The following LTBP2 variants were observed in gnomAD, a reference collection of about 807,000 sequenced individuals.
LTBP2 encodes the protein latent-transforming growth factor beta-binding protein 2.
In LTBP2, 103 loss-of-function variants were observed where a neutral mutation model predicts 210.6. The observed-to-expected ratio is 0.49, with a 90% CI of 0.42 to 0.58. The LOEUF (loss-of-function observed/expected upper bound fraction) is 0.58. LTBP2 is among the 20% of genes least tolerant of loss of function. The pLI, the probability that LTBP2 is intolerant of heterozygous loss-of-function variation, is 0.00. For synonymous variants in LTBP2, 1,007 were observed against 1,015.0 expected (o/e 0.99, Z 0.15); for missense variants, 2,313 against 2,494.5 (o/e 0.93, Z 1.55).
rs1412592866 is a variant in LTBP2 at position 74,552,211 on chromosome 14, T to C, written c.1375A>G (p.Thr459Ala). 1 of 1,599,618 alleles carries C rather than the reference T, an allele frequency of 6.3e-7. No individual in the cohort carries two copies. The highest frequency in any genetic ancestry group is 2.3e-5 in the East Asian group (1 of 43,898). Reference protein sequence around the residue: ...LEAPLKQSTFTLPLSNQLASV... With the variant: ...LEAPLKQSTFALPLSNQLASV... ...CCCAGCTGGTTGGAGAGCGGCAGTG[T>C]GAAAGTGGACTGCTTCAGTGGGGCT... The change falls in exon 6 of 36, where the codon ACA becomes GCA. Residue 459 changes from threonine to alanine, a missense_variant. Coordinates refer to ENST00000261978, the MANE Select transcript of LTBP2 (RefSeq NM_000428.3).
chr14:74,513,322 A>G (rs1295097147), intron 18 of LTBP2, among the ~76,000 whole-genome samples: 2 of 152,246 alleles, frequency 1.3e-5, no homozygotes, highest in South Asian at 2.1e-4. Flanking sequence ...AGTGAGGGCC[A>G]ACGAACTGTG....
chr14:74,541,435 C>T (rs1015595655), intron 8 of LTBP2, among the ~76,000 whole-genome samples: 2 of 152,026 alleles, frequency 1.3e-5, no homozygotes, highest in African/African-American at 2.4e-5. Flanking sequence ...CATAAGAGCC[C>T]TTGGAGAGTC....
chr14:74,575,119 G>A (rs2088040478), intron 3 of LTBP2, among the ~76,000 whole-genome samples: 1 of 152,220 alleles, frequency 6.6e-6, no homozygotes, highest in African/African-American at 2.4e-5. Context: ...CTAGGCTCCG[G>A]ATCAAAGCAT....
At chr14:74,527,496 G>A in intron 12 of LTBP2, 130 bp from the exon 13 acceptor site, 1 of 995,292 alleles carries the variant, frequency 1.0e-6, no homozygotes, top group African/African-American at 1.6e-5. Flanking sequence ...AGCACAGAAA[G>A]CGTGGACTCT....
chr14:74,500,414 A>C lies in LTBP2; in HGVS notation c.*470T>G. 5 of 356,638 alleles carry C rather than the reference A, an allele frequency of 1.4e-5. 1 individual carries two copies. In the South Asian group the frequency reaches 1.9e-4, roughly 13 times the overall value. 22.1% of individuals were successfully genotyped at this position (356,638 alleles called of 1,614,324 possible). A position where few individuals can be genotyped will look rare whatever the true frequency, so the allele number is the denominator to read the frequency against. On this transcript the variant is annotated 3_prime_UTR_variant, in exon 36 of 36. Coordinates refer to ENST00000261978, the MANE Select transcript of LTBP2 (RefSeq NM_000428.3). ...GGAGGGGGCTCTGGAGTCAGTCCCC[A>C]AGCTTCCCCAAATCCTTTCTTGCTC...
intron 3 of LTBP2, among the ~76,000 whole-genome samples, chr14:74,584,222 C>T (rs1341959921): frequency 1.3e-5 from 2 of 152,074 alleles, no homozygotes; most frequent in South Asian, 2.1e-4. Context: ...ATGTGATTCA[C>T]CTTGAAGAAT....
chr14:74,565,694 T>C (rs932890976), intron 3 of LTBP2, among the ~76,000 whole-genome samples: 5 of 152,030 alleles, frequency 3.3e-5, no homozygotes, highest in African/African-American at 7.2e-5. Flanking sequence ...GTAGACACAG[T>C]TGGGGCTGGG....
rs143616933 is a variant in LTBP2 at position 74,541,467 on chromosome 14, T to C, written c.1790-5467A>G. 2.0e-3 allele frequency among the ~76,000 whole-genome samples: 302 copies of C among 152,324 alleles called. 1 individual carries two copies. The highest frequency in any genetic ancestry group is 6.6e-3 in the African/African-American group (275 of 41,572). ...AGTCTTACTAATATTATTCCCATTT[T>C]ATGGATGAGCAAATTGAGGTTCATC... On this transcript the variant is annotated intron_variant, in intron 8 of 35. Transcript: ENST00000261978.
intron 2 of LTBP2, among the ~76,000 whole-genome samples, chr14:74,588,575 C>T (rs2088240441): frequency 6.6e-6 from 1 of 152,128 alleles, no homozygotes; most frequent in Non-Finnish European, 1.5e-5. Flanking sequence ...ATATAGTCAG[C>T]CCCTTGAAGT....
At chr14:74,568,112 T>G (rs2087927669) in intron 3 of LTBP2, among the ~76,000 whole-genome samples, 1 of 152,154 alleles carries the variant, frequency 6.6e-6, no homozygotes, top group African/African-American at 2.4e-5. Context: ...GGCAGCCAGT[T>G]TACAGAAGTT....
At chr14:74,562,291 G>T (rs2139760218) in intron 3 of LTBP2, among the ~76,000 whole-genome samples, 1 of 152,244 alleles carries the variant, frequency 6.6e-6, no homozygotes, top group East Asian at 1.9e-4. Context: ...CATGTTTGAA[G>T]AAGAATAAGC....
intron 3 of LTBP2, among the ~76,000 whole-genome samples, chr14:74,581,799 A>T (rs2088139829): frequency 6.6e-6 from 1 of 152,108 alleles, no homozygotes; most frequent in Non-Finnish European, 1.5e-5. Context: ...ATCGTGTGTC[A>T]TGGCAGCCAT....
intron 17 of LTBP2, among the ~76,000 whole-genome samples, chr14:74,517,414 C>T (rs1248562902): frequency 5.3e-5 from 8 of 151,764 alleles, no homozygotes; most frequent in Non-Finnish European, 8.8e-5. Flanking sequence ...AGTGCGATGG[C>T]GCCATCTTGA....
chr14:74,582,405 C>T (rs895740539), intron 3 of LTBP2, among the ~76,000 whole-genome samples: 8 of 137,972 alleles, frequency 5.8e-5, no homozygotes, highest in Non-Finnish European at 9.8e-5. Flanking sequence ...CATACACACA[C>T]ACACACACAC....
At chr14:74,549,491 G>C (rs1268349667) in intron 8 of LTBP2, among the ~76,000 whole-genome samples, 1 of 152,230 alleles carries the variant, frequency 6.6e-6, no homozygotes, top group East Asian at 1.9e-4. Flanking sequence ...AGGCCTGGGG[G>C]CCCCATCAGG....
At chr14:74,608,898 C>T (rs945183145) in intron 1 of LTBP2, among the ~76,000 whole-genome samples, 2 of 152,254 alleles carry the variant, frequency 1.3e-5, no homozygotes, top group Non-Finnish European at 1.5e-5. Context: ...TGCAATAAAT[C>T]TTTTCTACAT....
chr14:74,594,883 C>A (rs896753419), intron 2 of LTBP2, among the ~76,000 whole-genome samples: 4 of 152,180 alleles, frequency 2.6e-5, no homozygotes, highest in Non-Finnish European at 5.9e-5. Context: ...GTCTCCCAGG[C>A]CCTGACTGAG....
chr14:74,561,291 C>A (rs991426214), intron 3 of LTBP2, among the ~76,000 whole-genome samples: 1 of 152,018 alleles, frequency 6.6e-6, no homozygotes, highest in Admixed American at 6.6e-5. Context: ...GCATTCCAGC[C>A]TGGGTGACAG....
At chr14:74,504,247 G>C (rs967992368) in intron 30 of LTBP2, among the ~76,000 whole-genome samples, 193 bp from the exon 31 acceptor site, 1 of 152,234 alleles carries the variant, frequency 6.6e-6, no homozygotes, top group Non-Finnish European at 1.5e-5. Context: ...ATGAAAAGGT[G>C]TTAATATGTG....
Sources: allele counts gnomAD v4.1 joint callset (sites outside exome capture counted in the v4.1 genomes callset), GRCh38; gene constraint gnomAD v4.1.1; transcripts MANE v1.5; gene names NCBI Gene and HGNC (gene_info 2026-07-23, HGNC 2026-07-21).